Variants in BAIAP2L1 observed in about 807,000 individuals in gnomAD.
BAIAP2L1 encodes BAR/IMD domain containing adaptor protein 2 like 1, also known as BAR/IMD domain-containing adapter protein 2-like 1.
A neutral mutation model predicts 66.3 loss-of-function variants in BAIAP2L1; 35 were observed. That is an observed-to-expected ratio of 0.53 (90% CI 0.40 to 0.70). The LOEUF (loss-of-function observed/expected upper bound fraction) is 0.70, where lower values mean the gene tolerates loss of function less well. Among genes scored for constraint, BAIAP2L1 ranks in the 30% least tolerant of loss-of-function variants. The probability of loss-of-function intolerance (pLI) is 0.00; values close to 1 mark genes in which losing one functional copy is unlikely to be tolerated. For missense variants in BAIAP2L1, 622 were observed against 656.9 expected, an observed-to-expected ratio of 0.95 and a Z score of 0.58; for synonymous variants, 269 against 248.7, an observed-to-expected ratio of 1.08 and a Z score of -0.77.
chr7:98,369,380 G>A (rs1178375229), intron 1 of BAIAP2L1, among the ~76,000 whole-genome samples: 2 of 152,288 alleles, frequency 1.3e-5, no homozygotes, highest in Middle Eastern at 3.4e-3. Flanking sequence ...CTACTCAGGA[G>A]GCTGAGGTAG....
intron 12 of BAIAP2L1, among the ~76,000 whole-genome samples, chr7:98,303,860 A>G (rs182186091): frequency 1.3e-5 from 2 of 152,380 alleles, no homozygotes; most frequent in African/African-American, 4.8e-5. Flanking sequence ...AGAAAATGAA[A>G]GAAAATGGTG....
At chr7:98,377,464 C>CA (rs1351674121) in intron 1 of BAIAP2L1, among the ~76,000 whole-genome samples, 1 of 152,188 alleles carries the variant, frequency 6.6e-6, no homozygotes, top group Non-Finnish European at 1.5e-5. Context: ...TTCTCCCCAA[C>CA]ACTTGGTACT....
chr7:98,364,437 C>T (rs906754130), intron 1 of BAIAP2L1, among the ~76,000 whole-genome samples: 1 of 152,176 alleles, frequency 6.6e-6, no homozygotes, highest in South Asian at 2.1e-4. Context: ...CCATCTTGCT[C>T]AGTGTGGCTT....
At chr7:98,395,416 G>T (rs912371909) in intron 1 of BAIAP2L1, among the ~76,000 whole-genome samples, 5 of 150,114 alleles carry the variant, frequency 3.3e-5, no homozygotes, top group African/African-American at 1.2e-4. Flanking sequence ...CCCAGCCTGG[G>T]CGACAGAGCA....
chr7:98,323,000 C>T (rs1375500153), intron 3 of BAIAP2L1: 2 of 152,126 alleles, frequency 1.3e-5, no homozygotes, highest in Non-Finnish European at 2.9e-5. Context: ...GTCCTTAAGC[C>T]CTGTGGGATT....
At chr7:98,360,213 G>A (rs1386048363) in intron 2 of BAIAP2L1, among the ~76,000 whole-genome samples, 3 of 152,030 alleles carry the variant, frequency 2.0e-5, no homozygotes, top group East Asian at 1.9e-4. Flanking sequence ...GTGAACCACC[G>A]CGCCTGGCCT....
At chr7:98,361,848 G>A (rs1031860681) in intron 2 of BAIAP2L1, among the ~76,000 whole-genome samples, 20 of 151,932 alleles carry the variant, frequency 1.3e-4, no homozygotes, top group African/African-American at 4.6e-4. Context: ...CGATCATCCC[G>A]CCACACACTC....
At chr7:98,335,481 C>T (rs899278928) in intron 3 of BAIAP2L1, among the ~76,000 whole-genome samples, 1 of 152,164 alleles carries the variant, frequency 6.6e-6, no homozygotes, top group Admixed American at 6.6e-5. Flanking sequence ...TCCTTTACTG[C>T]GTTGCAGGTA....
intron 3 of BAIAP2L1, among the ~76,000 whole-genome samples, chr7:98,351,081 G>C (rs142155303): frequency 6.6e-6 from 1 of 152,016 alleles, no homozygotes. Context: ...GGCTAGGCTC[G>C]AACTCCTGAC....
In BAIAP2L1 at chr7:98,310,494, ATT is replaced by A; in HGVS notation, c.904_905del (p.Asn302Ter). 6.2e-7 allele frequency: 1 copy of A among 1,607,778 alleles called. No individual in the cohort carries two copies. The highest frequency in any genetic ancestry group is 8.5e-7 in the Non-Finnish European group (1 of 1,178,310). On this transcript the variant is annotated frameshift_variant, in exon 9 of 14. Transcript: ENST00000005260. LOFTEE classifies it high-confidence loss of function. ...AATTCGGGGCAGCCGTGGCTGGGTTATTAAACATATCGATCAAGGGACTGGTA... is the reference window on the plus strand; with the variant it reads ...AATTCGGGGCAGCCGTGGCTGGGTTAAAACATATCGATCAAGGGACTGGTA... ...AYTSPLIDMF[N>X]NPATAAPNSQ...
At chr7:98,366,091 C>T (rs563213812) in intron 1 of BAIAP2L1, among the ~76,000 whole-genome samples, 1 of 152,272 alleles carries the variant, frequency 6.6e-6, no homozygotes, top group Non-Finnish European at 1.5e-5. Flanking sequence ...TCAGGGGCCA[C>T]TGGGCTTCTG....
chr7:98,324,828 C>A (rs1432114265), intron 3 of BAIAP2L1, among the ~76,000 whole-genome samples: 1 of 152,204 alleles, frequency 6.6e-6, no homozygotes, highest in Non-Finnish European at 1.5e-5. Flanking sequence ...CATCAGTTCA[C>A]AGTACAAATT....
rs574038116 is a variant in BAIAP2L1, at chr7:98,304,029, G to C, written c.1422+167C>G. Among the ~76,000 whole-genome samples the C allele has an allele frequency of 5.7e-4, 87 of 152,304 alleles. 1 individual carries two copies. The highest frequency in any genetic ancestry group is 2.0e-3 in the African/African-American group (84 of 41,576). ...AGGTGAAAGGCTGCATGACAAAGAA[G>C]GGAATCTAGAGGATCAAAGGCAGCA... is the stretch of plus-strand genomic sequence containing the variant. On this transcript the variant is annotated intron_variant, in intron 12 of 13. Transcript: ENST00000005260.
intron 9 of BAIAP2L1, chr7:98,310,142 C>T (rs941794347): frequency 3.4e-5 from 9 of 268,648 alleles, no homozygotes; most frequent in South Asian, 1.3e-4. Flanking sequence ...TGAGCCACCG[C>T]GCCTGGCCTC....
intron 3 of BAIAP2L1, among the ~76,000 whole-genome samples, chr7:98,327,362 A>C (rs1486241861): frequency 6.7e-6 from 1 of 149,364 alleles, no homozygotes; most frequent in East Asian, 2.0e-4. Flanking sequence ...CCTTGTAAAT[A>C]AATAAATAAA....
At chr7:98,382,537 A>G (rs1055365713) in intron 1 of BAIAP2L1, among the ~76,000 whole-genome samples, 2 of 152,182 alleles carry the variant, frequency 1.3e-5, no homozygotes, top group Non-Finnish European at 2.9e-5. Context: ...TAATTACTAG[A>G]CAAAGGTTTT....
intron 1 of BAIAP2L1, among the ~76,000 whole-genome samples, chr7:98,372,733 GTTTTT>G (rs34330041): frequency 9.6e-5 from 9 of 93,806 alleles, no homozygotes; most frequent in Admixed American, 5.2e-4. Flanking sequence ...ATCGATTTTG[GTTTTT>G]TTTTTTTTTT....
In BAIAP2L1 at chr7:98,401,044, T is replaced by G; in HGVS notation, c.-192A>C. 4 of 407,646 alleles carry G rather than the reference T, an allele frequency of 9.8e-6. No homozygotes were observed. Among genetic ancestry groups the G allele is most frequent in the East Asian group, 4.4e-5 (1 of 22,830 alleles). The allele number at this position is 407,646 out of a possible 1,614,324, so 25.3% of individuals were successfully genotyped here. ...GTCAAAACTTGCGGCAGCGCCGCCC[T>G]GGCCTTCTTCGAGGAGCAGAGGAGA... On this transcript the variant is annotated 5_prime_UTR_variant, in exon 1 of 14. Transcript: ENST00000005260.
At chr7:98,297,777 C>T (rs1337389334) in intron 12 of BAIAP2L1, among the ~76,000 whole-genome samples, 2 of 152,220 alleles carry the variant, frequency 1.3e-5, no homozygotes, top group East Asian at 1.9e-4. Context: ...TGCAGGCCTG[C>T]ACCGGGGGCA....
Sources: gnomAD v4.1 joint callset for allele counts (sites outside exome capture counted in the v4.1 genomes callset) on GRCh38, gnomAD v4.1.1 for gene constraint, MANE v1.5 for transcripts, NCBI Gene and HGNC (gene_info 2026-07-23, HGNC 2026-07-21) for gene names.